Variants in CPNE4 observed in about 807,000 individuals in gnomAD.
CPNE4 encodes the protein copine 4, also known as copine-4.
A neutral mutation model predicts 67.9 loss-of-function variants in CPNE4; 25 were observed. The ratio of observed to expected loss-of-function variants is 0.37; its 90% confidence interval spans 0.27 to 0.51. CPNE4 has a LOEUF of 0.51. Among genes scored for constraint, CPNE4 ranks in the 20% least tolerant of loss-of-function variants. CPNE4 has a pLI of 0.93. For missense variants in CPNE4, 464 were observed against 690.8 expected (o/e 0.67, Z 3.68); for synonymous variants, 242 against 244.9 (o/e 0.99, Z 0.11).
At chr3:132,015,155 T>C (rs569628062) in intron 1 of CPNE4, among the ~76,000 whole-genome samples, 3 of 152,368 alleles carry the variant, frequency 2.0e-5, no homozygotes, top group African/African-American at 7.2e-5. Context: ...TTATCTTTAA[T>C]CTGCTGCAAA....
intron 14 of CPNE4, among the ~76,000 whole-genome samples, chr3:131,549,745 C>T (rs1358153559): frequency 6.6e-6 from 1 of 152,090 alleles, no homozygotes; most frequent in East Asian, 1.9e-4. Flanking sequence ...CATCTCTTAG[C>T]CTCACAACCC....
intron 1 of CPNE4, among the ~76,000 whole-genome samples, chr3:132,000,419 C>G (rs944053583): frequency 1.3e-5 from 2 of 151,882 alleles, no homozygotes; most frequent in African/African-American, 4.8e-5. Context: ...AGGAATAAAA[C>G]AGAGCACAAA....
chr3:131,646,145 G>A (rs1380657774), intron 7 of CPNE4, among the ~76,000 whole-genome samples: 15 of 152,122 alleles, frequency 9.9e-5, no homozygotes, highest in Admixed American at 9.2e-4. Flanking sequence ...TACTGGTCTA[G>A]GATACTGAAG....
At chr3:131,575,701 A>G (rs1357948702) in intron 9 of CPNE4, among the ~76,000 whole-genome samples, 1 of 152,134 alleles carries the variant, frequency 6.6e-6, no homozygotes, top group African/African-American at 2.4e-5. Context: ...GAACAATCCT[A>G]TGAAGGTGGC....
chr3:131,884,595 G>A (rs2054321), intron 2 of CPNE4, among the ~76,000 whole-genome samples: 43,766 of 151,970 alleles, frequency 0.29, 7,362 homozygotes, highest in Non-Finnish European at 0.37. Flanking sequence ...AAACTGATAT[G>A]GTTTGGCTCT....
At chr3:131,651,053 C>G (rs1212737633) in intron 7 of CPNE4, among the ~76,000 whole-genome samples, 6 of 152,166 alleles carry the variant, frequency 3.9e-5, no homozygotes, top group Admixed American at 2.6e-4. Flanking sequence ...AGGTGAGGCT[C>G]TGAAGAGAAA....
intron 2 of CPNE4, among the ~76,000 whole-genome samples, chr3:131,748,945 A>G (rs1418456306): frequency 6.6e-6 from 1 of 151,434 alleles, no homozygotes; most frequent in African/African-American, 2.4e-5. Context: ...TTGTTTTTCT[A>G]TTTTTAATTT....
chr3:131,790,212 T>C (rs544162581), intron 2 of CPNE4, among the ~76,000 whole-genome samples: 40 of 152,298 alleles, frequency 2.6e-4, no homozygotes, highest in African/African-American at 9.4e-4. Context: ...GGGACTTATA[T>C]ACTTCTCCCT....
intron 1 of CPNE4, among the ~76,000 whole-genome samples, chr3:131,988,064 A>G (rs1367797433): frequency 2.0e-5 from 3 of 152,208 alleles, no homozygotes; most frequent in Non-Finnish European, 4.4e-5. Flanking sequence ...ATGTGCTATG[A>G]GTAGGTGACA....
intron 7 of CPNE4, among the ~76,000 whole-genome samples, chr3:131,591,708 A>G (rs1361999597): frequency 6.6e-6 from 1 of 152,156 alleles, no homozygotes; most frequent in Non-Finnish European, 1.5e-5. Context: ...GACCTTTCTG[A>G]GAAGGGATCC....
At chr3:131,753,166 C>T (rs960526875) in intron 2 of CPNE4, among the ~76,000 whole-genome samples, 1 of 151,704 alleles carries the variant, frequency 6.6e-6, no homozygotes, top group African/African-American at 2.4e-5. Flanking sequence ...AAGTCCATCT[C>T]AGAGGAAAGA....
chr3:132,033,378 TGA>T (rs757665308), intron 1 of CPNE4, among the ~76,000 whole-genome samples: 3 of 141,682 alleles, frequency 2.1e-5, no homozygotes, highest in African/African-American at 7.9e-5. Flanking sequence ...TGAAATCCTG[TGA>T]GAGTGTGTGA....
At chr3:131,887,545 G>C (rs529287505) in intron 2 of CPNE4, among the ~76,000 whole-genome samples, 46 of 152,266 alleles carry the variant, frequency 3.0e-4, no homozygotes, top group Admixed American at 1.6e-3. Context: ...ATGTAGGAGG[G>C]CTATGAAGAT....
intron 7 of CPNE4, among the ~76,000 whole-genome samples, chr3:131,615,939 A>G (rs1399956543): frequency 1.5e-5 from 2 of 129,086 alleles, no homozygotes; most frequent in African/African-American, 3.6e-5. Context: ...GCACACACAC[A>G]CACACACACA....
At chr3:131,683,170 C>T (rs1462061909) in intron 6 of CPNE4, among the ~76,000 whole-genome samples, 1 of 152,076 alleles carries the variant, frequency 6.6e-6, no homozygotes, top group Non-Finnish European at 1.5e-5. Flanking sequence ...AAATCAAGTC[C>T]CCTCTACTTG....
intron 1 of CPNE4, among the ~76,000 whole-genome samples, chr3:131,907,588 C>T (rs1159667911): frequency 2.6e-5 from 4 of 152,064 alleles, no homozygotes; most frequent in Non-Finnish European, 5.9e-5. Context: ...ATGTATTTCA[C>T]ACACAAGCAC....
chr3:131,842,591 CTATT>C (rs1369822806), intron 2 of CPNE4, among the ~76,000 whole-genome samples: 1 of 152,080 alleles, frequency 6.6e-6, no homozygotes, highest in Admixed American at 6.6e-5. Context: ...CCTCAGTTGA[CTATT>C]TACACCAACA....
At chr3:131,788,238 T>A (rs2083618059) in intron 2 of CPNE4, among the ~76,000 whole-genome samples, 1 of 148,888 alleles carries the variant, frequency 6.7e-6, no homozygotes, top group Non-Finnish European at 1.5e-5. Context: ...AAAAGACAAA[T>A]AAACAATTGA....
intron 2 of CPNE4, among the ~76,000 whole-genome samples, chr3:131,791,191 T>G (rs1250227438): frequency 6.6e-6 from 1 of 152,200 alleles, no homozygotes; most frequent in Non-Finnish European, 1.5e-5. Flanking sequence ...CAGCCTCAAG[T>G]ACATTCCTAT....
Sources: allele counts gnomAD v4.1 joint callset (sites outside exome capture counted in the v4.1 genomes callset), GRCh38; gene constraint gnomAD v4.1.1; transcripts MANE v1.5; gene names NCBI Gene and HGNC (gene_info 2026-07-23, HGNC 2026-07-21).